PREX1: variants seen among roughly 807,000 people sequenced by gnomAD.
PREX1 encodes the protein phosphatidylinositol 3,4,5-trisphosphate-dependent Rac exchanger 1 protein.
In PREX1, 41 loss-of-function variants were observed where a neutral mutation model predicts 198.3. The ratio of observed to expected loss-of-function variants is 0.21; its 90% CI spans 0.16 to 0.27. The LOEUF (loss-of-function observed/expected upper bound fraction) is 0.27. Among genes scored for constraint, PREX1 ranks in the 10% least tolerant of loss-of-function variants. The pLI is 1.00. For missense variants in PREX1, 1,620 were observed against 2,200.7 expected (o/e 0.74, Z 5.28); for synonymous variants, 843 against 887.2 (o/e 0.95, Z 0.89).
the PREX1 span, among the ~76,000 whole-genome samples, chr20:48,882,944 T>C: frequency 8.6e-5 from 13 of 150,368 alleles, no homozygotes; most frequent in African/African-American, 3.2e-4. Flanking sequence ...TTTTTTTTTT[T>C]TTTTTTAGAT....
chr20:48,646,705 A>C (rs567693998), intron 25 of PREX1, among the ~76,000 whole-genome samples: 1 of 152,214 alleles, frequency 6.6e-6, no homozygotes, highest in East Asian at 1.9e-4. Flanking sequence ...AAAGAAAAGA[A>C]AAAGAAAACA....
intron 14 of PREX1, among the ~76,000 whole-genome samples, chr20:48,668,801 C>A (rs1213824341): frequency 1.3e-5 from 2 of 152,226 alleles, no homozygotes; most frequent in Non-Finnish European, 2.9e-5. Context: ...ATATCCAGAG[C>A]AGCCTCCCCC....
At chr20:48,778,473 C>G (rs540486597) in intron 1 of PREX1, among the ~76,000 whole-genome samples, 1 of 151,926 alleles carries the variant, frequency 6.6e-6, no homozygotes, top group East Asian at 1.9e-4. Context: ...GCCTGTAATC[C>G]TAGCTACTCC....
rs2089269430 is a variant in PREX1, at chr20:48,626,007, C to T, written c.4938-80G>A. The T allele has an allele frequency of 2.8e-5, 39 of 1,371,774 alleles. 1 individual carries two copies. The South Asian group carries it at 4.8e-4, about 17-fold the overall frequency. 85.0% of individuals were successfully genotyped at this position (1,371,774 alleles called of 1,614,324 possible). A position where few individuals can be genotyped will look rare whatever the true frequency, so the allele number is the denominator to read the frequency against. ...TGTATTATTTCCATTTTTACCTGAA[C>T]ATGTAATTCATGCCCAGAAACCCAA... On this transcript the variant is annotated intron_variant, in intron 39 of 39. Transcript: ENST00000371941.
At chr20:48,705,937 G>A (rs1453141007) in intron 6 of PREX1, among the ~76,000 whole-genome samples, 1 of 152,186 alleles carries the variant, frequency 6.6e-6, no homozygotes, top group African/African-American at 2.4e-5. Flanking sequence ...CAGTCTATAA[G>A]TTACAGGGCT....
At chr20:48,886,121 T>C in the PREX1 span, among the ~76,000 whole-genome samples, 1 of 152,284 alleles carries the variant, frequency 6.6e-6, no homozygotes, top group East Asian at 1.9e-4. Context: ...AAATATATTA[T>C]TGTGGTGCAG....
At chr20:48,779,288 A>G (rs140101010) in intron 1 of PREX1, among the ~76,000 whole-genome samples, 156 of 152,364 alleles carry the variant, frequency 1.0e-3, no homozygotes, top group Middle Eastern at 0.01. Context: ...TAAAATTACA[A>G]TGGGATACCT....
chr20:48,649,285 C>G lies in PREX1; in HGVS notation c.3305+15G>C. 6.2e-7 allele frequency: 1 copy of G among 1,606,952 alleles called. No homozygotes were observed. The highest frequency in any genetic ancestry group is 1.7e-4 in the Middle Eastern group (1 of 5,914). On this transcript the variant is annotated intron_variant, in intron 25 of 39. Transcript: ENST00000371941. ...CTGCCCCTGCTCACGCCGGACACCC[C>G]CGGCCAGCGCTCACCTGTTGATCTG...
intron 7 of PREX1, among the ~76,000 whole-genome samples, chr20:48,699,719 G>A (rs560087768): frequency 1.3e-5 from 2 of 152,088 alleles, no homozygotes; most frequent in South Asian, 2.1e-4. Flanking sequence ...TAACCACCCA[G>A]CCTTCCATCC....
At chr20:48,719,311 C>G (rs576118974) in intron 5 of PREX1, among the ~76,000 whole-genome samples, 30 of 152,310 alleles carry the variant, frequency 2.0e-4, no homozygotes, top group African/African-American at 3.1e-4. Context: ...GGACCCCCCC[C>G]CCAACTCCCC....
chr20:48,646,818 A>G (rs182704985), intron 25 of PREX1, among the ~76,000 whole-genome samples: 127 of 152,352 alleles, frequency 8.3e-4, no homozygotes, highest in African/African-American at 2.9e-3. Flanking sequence ...TAAACCCCAG[A>G]TTCAAATCCC....
chr20:48,701,740 C>T (rs746211619), intron 6 of PREX1, among the ~76,000 whole-genome samples: 3 of 152,158 alleles, frequency 2.0e-5, no homozygotes, highest in Non-Finnish European at 4.4e-5. Flanking sequence ...ATCCTGTGGG[C>T]ATTTCATCTA....
At chr20:48,743,314 C>A (rs1319311315) in intron 3 of PREX1, among the ~76,000 whole-genome samples, 1 of 152,188 alleles carries the variant, frequency 6.6e-6, no homozygotes, top group Non-Finnish European at 1.5e-5. Context: ...TTTTCATTTT[C>A]CTATTCAAAC....
chr20:48,652,779 AAC>A lies in PREX1; in HGVS notation c.2347-75_2347-74del, dbSNP rs2089510093. ...GAGGAGGGGACAGGGCCGAGGTGTGAACTGCCCCTGGGTTCCAGAGCTCTGGA... is the reference window on the plus strand; with the variant it reads ...GAGGAGGGGACAGGGCCGAGGTGTGATGCCCCTGGGTTCCAGAGCTCTGGA... On this transcript the variant is annotated intron_variant, in intron 20 of 39. Coordinates refer to ENST00000371941, the MANE Select transcript of PREX1 (RefSeq NM_020820.4). 11 of 1,501,886 alleles carry A rather than the reference AAC, an allele frequency of 7.3e-6. No homozygotes were observed. In the South Asian group the frequency reaches 1.4e-4, roughly 19 times the overall value. 93.0% of individuals were successfully genotyped at this position (1,501,886 alleles called of 1,614,324 possible).
chr20:48,824,117 G>T (rs758528479), intron 1 of PREX1, among the ~76,000 whole-genome samples: 12 of 151,984 alleles, frequency 7.9e-5, no homozygotes, highest in Middle Eastern at 3.2e-3. Context: ...GAAATGATTC[G>T]AGCCAAGGTT....
At chr20:48,642,030 G>T in intron 29 of PREX1, 138 bp downstream of exon 29, 1 of 815,990 alleles carries the variant, frequency 1.2e-6, no homozygotes. Context: ...TGTGGCCCAT[G>T]GGCTAAAATC....
intron 14 of PREX1, among the ~76,000 whole-genome samples, chr20:48,675,206 G>T (rs148327187): frequency 2.6e-5 from 4 of 152,228 alleles, no homozygotes; most frequent in Non-Finnish European, 4.4e-5. Context: ...GTGTGACGCA[G>T]GGAGTCTGCC....
chr20:48,844,900 CTT>C, the PREX1 span, among the ~76,000 whole-genome samples: 2 of 152,212 alleles, frequency 1.3e-5, no homozygotes, highest in African/African-American at 2.4e-5. Flanking sequence ...CTATAACCTT[CTT>C]TCTCACATCA....
intron 1 of PREX1, among the ~76,000 whole-genome samples, chr20:48,804,328 T>G (rs2090400763): frequency 6.6e-6 from 1 of 151,864 alleles, no homozygotes; most frequent in African/African-American, 2.4e-5. Flanking sequence ...CAAATACAAG[T>G]GCCACGGAGA....
Sources: gnomAD v4.1 joint callset for allele counts (sites outside exome capture counted in the v4.1 genomes callset) on GRCh38, gnomAD v4.1.1 for gene constraint, MANE v1.5 for transcripts, NCBI Gene and HGNC (gene_info 2026-07-23, HGNC 2026-07-21) for gene names.